The following GREB1L variants were observed in gnomAD, a reference collection of about 807,000 sequenced individuals.
The protein encoded by GREB1L is GREB1 like retinoic acid receptor coactivator.
In GREB1L, 17 loss-of-function variants were observed where a neutral mutation model predicts 200.8. That is an observed-to-expected ratio of 0.08 (90% confidence interval 0.06 to 0.13). The LOEUF is 0.13. Among genes scored for constraint, GREB1L ranks in the 10% least tolerant of loss-of-function variants. The probability of loss-of-function intolerance (pLI) is 1.00; values close to 1 mark genes in which losing one functional copy is unlikely to be tolerated. For missense variants in GREB1L, 1,657 were observed against 2,367.7 expected, an observed-to-expected ratio of 0.70 and a Z score of 6.23; for synonymous variants, 789 against 893.0, an observed-to-expected ratio of 0.88 and a Z score of 2.08.
intron 21 of GREB1L, among the ~76,000 whole-genome samples, chr18:21,497,242 G>C (rs1176760965): frequency 6.6e-6 from 1 of 152,208 alleles, no homozygotes; most frequent in East Asian, 1.9e-4. Flanking sequence ...ATTACTGCAG[G>C]TCTATGGCAG....
chr18:21,302,630 A>G (rs1479035014), intron 1 of GREB1L, among the ~76,000 whole-genome samples: 2 of 152,204 alleles, frequency 1.3e-5, no homozygotes. Context: ...TGATGATGTG[A>G]CATTTAACAT....
At chr18:21,515,369 T>C (rs1485626667) in intron 28 of GREB1L, 48 bp from the exon 29 acceptor site, 11 of 1,295,528 alleles carry the variant, frequency 8.5e-6, no homozygotes, top group Non-Finnish European at 1.1e-5. Context: ...CAAATGATCC[T>C]CTCTTCTGTA....
chr18:21,521,259 T>A (rs982561929), intron 32 of GREB1L, among the ~76,000 whole-genome samples: 1 of 151,382 alleles, frequency 6.6e-6, no homozygotes, highest in African/African-American at 2.4e-5. Flanking sequence ...TAATCCCAGC[T>A]ACTCGGGAGG....
chr18:21,467,561 G>T (rs1398276970), intron 15 of GREB1L, among the ~76,000 whole-genome samples: 1 of 152,150 alleles, frequency 6.6e-6, no homozygotes, highest in Non-Finnish European at 1.5e-5. Flanking sequence ...CACCCCACTA[G>T]TATGACCCAT....
intron 1 of GREB1L, among the ~76,000 whole-genome samples, chr18:21,324,252 T>G (rs967993402): frequency 6.6e-6 from 1 of 152,192 alleles, no homozygotes; most frequent in African/African-American, 2.4e-5. Context: ...TTACCGAATC[T>G]AACTGAAGCA....
intron 13 of GREB1L, among the ~76,000 whole-genome samples, chr18:21,451,766 G>A (rs543805805): frequency 6.6e-6 from 1 of 151,990 alleles, no homozygotes; most frequent in Non-Finnish European, 1.5e-5. Flanking sequence ...AAAGTGCTGG[G>A]ATTACAGGCA....
chr18:21,372,114 T>C (rs2143767196), intron 2 of GREB1L, among the ~76,000 whole-genome samples: 1 of 152,030 alleles, frequency 6.6e-6, no homozygotes, highest in East Asian at 1.9e-4. Flanking sequence ...AAGAAAAAGG[T>C]AATAGAAAAC....
At chr18:21,287,657 T>TA (rs1175320483) in intron 1 of GREB1L, among the ~76,000 whole-genome samples, 1 of 152,198 alleles carries the variant, frequency 6.6e-6, no homozygotes, top group Non-Finnish European at 1.5e-5. Context: ...AGTTAATAGT[T>TA]ACCATCTTTT....
intron 17 of GREB1L, chr18:21,485,358 G>A (rs1212471741): frequency 3.5e-5 from 11 of 316,254 alleles, no homozygotes; most frequent in African/African-American, 1.9e-4. Context: ...AAAAAAAAAA[G>A]AAAACAAACC....
intron 1 of GREB1L, among the ~76,000 whole-genome samples, chr18:21,256,375 A>G (rs1286073967): frequency 1.3e-5 from 2 of 152,170 alleles, no homozygotes; most frequent in Admixed American, 6.5e-5. Context: ...GTACATTTTC[A>G]CAAGTTGGAG....
intron 1 of GREB1L, among the ~76,000 whole-genome samples, chr18:21,293,488 G>T (rs2038481420): frequency 6.6e-6 from 1 of 152,190 alleles, no homozygotes. Flanking sequence ...ACCAGAAGAA[G>T]GCAAGGAGTT....
chr18:21,412,190 G>C (rs1394847399), intron 7 of GREB1L, among the ~76,000 whole-genome samples: 1 of 151,862 alleles, frequency 6.6e-6, no homozygotes, highest in Non-Finnish European at 1.5e-5. Context: ...TTGAGCTCAG[G>C]AGTTCAAGAC....
chr18:21,466,672 T>C (rs1233473303), intron 15 of GREB1L, among the ~76,000 whole-genome samples: 1 of 152,154 alleles, frequency 6.6e-6, no homozygotes, highest in African/African-American at 2.4e-5. Flanking sequence ...AAGATGACCA[T>C]ATTCCCCCAA....
At chr18:21,487,668 G>A (rs1454984279) in intron 18 of GREB1L, among the ~76,000 whole-genome samples, 1 of 152,158 alleles carries the variant, frequency 6.6e-6, no homozygotes, top group Non-Finnish European at 1.5e-5. Flanking sequence ...ACAAGCAGCT[G>A]AACTTCTCTC....
chr18:21,431,961 C>T (rs1416047250), intron 7 of GREB1L, among the ~76,000 whole-genome samples: 1 of 125,588 alleles, frequency 8.0e-6, no homozygotes, highest in East Asian at 2.4e-4. Flanking sequence ...CTCACTCTGT[C>T]GCCCAGGCTG....
chr18:21,315,076 GTATT>G (rs774097264), intron 1 of GREB1L, among the ~76,000 whole-genome samples: 68 of 152,190 alleles, frequency 4.5e-4, no homozygotes, highest in Non-Finnish European at 7.9e-4. Flanking sequence ...TTAGTTTAAG[GTATT>G]TATTTATTTA....
intron 7 of GREB1L, among the ~76,000 whole-genome samples, chr18:21,433,628 A>G (rs1223232690): frequency 6.6e-6 from 1 of 152,204 alleles, no homozygotes; most frequent in Non-Finnish European, 1.5e-5. Context: ...TCAGGCCCTT[A>G]GAGAAGCATG....
At chr18:21,508,021 A>T in intron 25 of GREB1L, 97 bp from the exon 26 acceptor site, 1 of 1,162,892 alleles carries the variant, frequency 8.6e-7, no homozygotes, top group Non-Finnish European at 1.2e-6. Flanking sequence ...AGTTCATGTT[A>T]GTTTCCATCT....
At chr18:21,472,396 A>G (rs963754852) in intron 15 of GREB1L, among the ~76,000 whole-genome samples, 3 of 152,222 alleles carry the variant, frequency 2.0e-5, no homozygotes, top group Non-Finnish European at 2.9e-5. Flanking sequence ...TCAAAGTTTC[A>G]TAGTTTCTAA....
Sources: allele counts gnomAD v4.1 joint callset (sites outside exome capture counted in the v4.1 genomes callset), GRCh38; gene constraint gnomAD v4.1.1; transcripts MANE v1.5; gene names NCBI Gene and HGNC (gene_info 2026-07-23, HGNC 2026-07-21).